The following CCDC171 variants were observed in gnomAD, a reference collection of about 807,000 sequenced individuals.
The protein encoded by CCDC171 is coiled-coil domain containing 171, also known as coiled-coil domain-containing protein 171.
Under a neutral mutation model 168.2 loss-of-function variants are expected in CCDC171, and 177 were observed. The observed-to-expected ratio is 1.05, with a 90% confidence interval of 0.93 to 1.19. The LOEUF is 1.19. Among genes scored for constraint, CCDC171 ranks in the 50% most tolerant of loss-of-function variants. The pLI is 0.00. For synonymous variants in CCDC171, 687 were observed against 540.8 expected (o/e 1.27, Z -3.75); for missense variants, 1,991 against 1,539.0 (o/e 1.29, Z -4.91).
intron 4 of CCDC171, among the ~76,000 whole-genome samples, chr9:15,585,119 C>T (rs1313179911): frequency 6.6e-6 from 1 of 152,136 alleles, no homozygotes; most frequent in African/African-American, 2.4e-5. Flanking sequence ...TATAGAGCAA[C>T]AGGGACTCAT....
intron 16 of CCDC171, among the ~76,000 whole-genome samples, chr9:15,741,943 C>T (rs2054908044): frequency 6.6e-6 from 1 of 152,190 alleles, no homozygotes. Flanking sequence ...TCTACATGCA[C>T]AATTTTTATT....
At chr9:16,082,573 T>A in the CCDC171 span, among the ~76,000 whole-genome samples, 1 of 152,238 alleles carries the variant, frequency 6.6e-6, no homozygotes, top group Non-Finnish European at 1.5e-5. Context: ...AAGAATAAAC[T>A]TTTCTAGTTT....
intron 7 of CCDC171, among the ~76,000 whole-genome samples, chr9:15,635,576 G>C (rs950645723): frequency 1.3e-5 from 2 of 152,118 alleles, no homozygotes; most frequent in South Asian, 2.1e-4. Flanking sequence ...CACCCAGACT[G>C]AGGGTAGGCT....
At chr9:15,896,359 A>G (rs1820898224) in intron 24 of CCDC171, among the ~76,000 whole-genome samples, 1 of 152,078 alleles carries the variant, frequency 6.6e-6, no homozygotes, top group African/African-American at 2.4e-5. Flanking sequence ...ACTCTGCTGA[A>G]TATGGTTTCC....
chr9:15,768,137 C>T (rs2056832639), intron 18 of CCDC171, among the ~76,000 whole-genome samples: 1 of 150,804 alleles, frequency 6.6e-6, no homozygotes, highest in Non-Finnish European at 1.5e-5. Context: ...TTATCTGTAA[C>T]CTAGACCTCA....
intron 16 of CCDC171, among the ~76,000 whole-genome samples, chr9:15,733,809 C>T (rs1015576107): frequency 2.0e-5 from 3 of 152,126 alleles, no homozygotes; most frequent in African/African-American, 7.2e-5. Flanking sequence ...CGCCCTGTTG[C>T]CCTGGCTTGA....
chr9:15,594,969 T>G (rs2042236472), intron 6 of CCDC171, among the ~76,000 whole-genome samples: 1 of 152,200 alleles, frequency 6.6e-6, no homozygotes, highest in African/African-American at 2.4e-5. Context: ...ATGTGTTTTA[T>G]GTATTTTTTC....
intron 21 of CCDC171, among the ~76,000 whole-genome samples, chr9:15,834,833 T>C (rs1452345876): frequency 6.6e-6 from 1 of 152,264 alleles, no homozygotes; most frequent in African/African-American, 2.4e-5. Context: ...ATCACTATGA[T>C]AGATGAAACA....
intron 16 of CCDC171, among the ~76,000 whole-genome samples, chr9:15,739,443 A>C (rs540906219): frequency 6.6e-6 from 1 of 152,238 alleles, no homozygotes; most frequent in East Asian, 1.9e-4. Context: ...AAAGACAAAA[A>C]AGTTAGGTGA....
intron 25 of CCDC171, among the ~76,000 whole-genome samples, chr9:15,935,316 A>C (rs577289693): frequency 3.3e-5 from 5 of 152,056 alleles, no homozygotes; most frequent in African/African-American, 1.2e-4. Flanking sequence ...AGCAAACTTT[A>C]CTATTGACTC....
chr9:15,783,510 C>T (rs923275078), intron 20 of CCDC171, among the ~76,000 whole-genome samples: 2 of 152,154 alleles, frequency 1.3e-5, no homozygotes, highest in African/African-American at 4.8e-5. Flanking sequence ...TAAATAGATA[C>T]ATGTATAACT....
At chr9:15,704,751 G>C (rs1474401753) in intron 11 of CCDC171, among the ~76,000 whole-genome samples, 1 of 152,166 alleles carries the variant, frequency 6.6e-6, no homozygotes, top group Non-Finnish European at 1.5e-5. Context: ...TAGCAGATAA[G>C]TGAAATTTCA....
At chr9:15,637,886 T>G (rs1320061549) in intron 7 of CCDC171, among the ~76,000 whole-genome samples, 4 of 152,112 alleles carry the variant, frequency 2.6e-5, no homozygotes, top group African/African-American at 7.2e-5. Context: ...ACATTTGGGT[T>G]GGTTCCAAGT....
At chr9:15,809,441 G>A (rs761734025) in intron 21 of CCDC171, among the ~76,000 whole-genome samples, 9 of 152,172 alleles carry the variant, frequency 5.9e-5, no homozygotes, top group Non-Finnish European at 1.0e-4. Flanking sequence ...ACAGACTCTC[G>A]TGGTGAGTGT....
intron 3 of CCDC171, among the ~76,000 whole-genome samples, chr9:16,008,226 T>G (rs529300296): frequency 6.6e-6 from 1 of 152,316 alleles, no homozygotes; most frequent in African/African-American, 2.4e-5. Context: ...ATTTAGGACT[T>G]TCATCTATTT....
chr9:15,817,767 G>C (rs2059615329), intron 21 of CCDC171, among the ~76,000 whole-genome samples: 1 of 118,462 alleles, frequency 8.4e-6, no homozygotes, highest in South Asian at 2.7e-4. Flanking sequence ...TACCTCTGGG[G>C]GCAGGGCACA....
At position 15,605,774 on chromosome 9, in the gene CCDC171, G is replaced by A. The variant is rs544651437; in HGVS notation, c.675+11602G>A. Among the ~76,000 whole-genome samples, 22 of 151,790 alleles carry A rather than the reference G, an allele frequency of 1.4e-4. No individual in the cohort carries two copies. In the South Asian group the frequency reaches 3.6e-3, roughly 24 times the overall value. ...TCTTGCCCCTTTCACCTCTGATTTCGCTCCTCATGTCAGGATATAGAAGCA... is the reference window on the plus strand; with the variant it reads ...TCTTGCCCCTTTCACCTCTGATTTCACTCCTCATGTCAGGATATAGAAGCA... On this transcript the variant is annotated intron_variant, in intron 6 of 25. Transcript: ENST00000380701.
At chr9:15,842,073 CT>C (rs71325938) in intron 21 of CCDC171, among the ~76,000 whole-genome samples, 64,471 of 151,672 alleles carry the variant, frequency 0.43, 13,906 homozygotes, top group Non-Finnish European at 0.46. Context: ...TAAATGTTAT[CT>C]TTTTTCCCCC....
chr9:15,950,821 A>G (rs1415714407), intron 25 of CCDC171, among the ~76,000 whole-genome samples: 1 of 151,796 alleles, frequency 6.6e-6, no homozygotes, highest in Non-Finnish European at 1.5e-5. Context: ...TAAAAGACAC[A>G]GACTGGTAAA....
Sources: gnomAD v4.1 joint callset for allele counts (sites outside exome capture counted in the v4.1 genomes callset) on GRCh38, gnomAD v4.1.1 for gene constraint, MANE v1.5 for transcripts, NCBI Gene and HGNC (gene_info 2026-07-23, HGNC 2026-07-21) for gene names.